The following CXCL13 variants were observed in gnomAD, a reference collection of about 807,000 sequenced individuals.
CXCL13 encodes the protein C-X-C motif chemokine ligand 13, also known as C-X-C motif chemokine 13.
In CXCL13, 7 loss-of-function variants were observed where a neutral mutation model predicts 12.2. The ratio of observed to expected loss-of-function variants is 0.57; its 90% CI spans 0.33 to 1.07. The LOEUF (loss-of-function observed/expected upper bound fraction) is 1.07, where lower values mean the gene tolerates loss of function less well. Ranked by LOEUF, CXCL13 falls within the 50% of genes least tolerant of loss-of-function variation. The pLI, the probability that CXCL13 is intolerant of heterozygous loss-of-function variation, is 0.04. For synonymous variants in CXCL13, 47 were observed against 42.4 expected (o/e 1.11, Z -0.42); for missense variants, 113 against 127.4 (o/e 0.89, Z 0.55).
intron 1 of CXCL13, among the ~76,000 whole-genome samples, chr4:77,539,481 G>A (rs753636120): frequency 6.6e-6 from 1 of 152,146 alleles, no homozygotes; most frequent in Non-Finnish European, 1.5e-5. Flanking sequence ...CCAAGGTCCT[G>A]CATCCCTTCT....
rs141780492 is a variant in CXCL13, at chr4:77,611,591, ACTGT to A, written c.*555_*558del. On this transcript the variant is annotated 3_prime_UTR_variant, in exon 4 of 4. Transcript: ENST00000682537. ...TTTAAAGAATTTCTTTATAAAATTTACTGTCTAAGATTAATAGCATTCGAAGATC... is the reference window on the plus strand; with the variant it reads ...TTTAAAGAATTTCTTTATAAAATTTACTAAGATTAATAGCATTCGAAGATC... 172 of 398,368 alleles carry A rather than the reference ACTGT, an allele frequency of 4.3e-4. No homozygotes were observed. The highest frequency in any genetic ancestry group is 3.2e-3 in the African/African-American group (154 of 48,744). The allele number at this position is 398,368 out of a possible 1,614,324, so 24.7% of individuals were successfully genotyped here.
chr4:77,576,376 G>A (rs978354812), intron 1 of CXCL13, among the ~76,000 whole-genome samples: 1 of 152,128 alleles, frequency 6.6e-6, no homozygotes, highest in Non-Finnish European at 1.5e-5. Context: ...AAAATTTGGG[G>A]CATATTTGTC....
chr4:77,538,423 C>CT (rs80263344), intron 1 of CXCL13, among the ~76,000 whole-genome samples: 2,494 of 124,158 alleles, frequency 0.02, 42 homozygotes, highest in Middle Eastern at 0.045. Context: ...AATGTCTTGT[C>CT]TTTTTTTTTT....
intron 1 of CXCL13, among the ~76,000 whole-genome samples, chr4:77,525,844 C>T (rs1170886600): frequency 6.6e-6 from 1 of 151,582 alleles, no homozygotes. Context: ...TCCATCAATT[C>T]AGCAGATGGG....
At chr4:77,518,243 C>G (rs558603507) in intron 1 of CXCL13, among the ~76,000 whole-genome samples, 2 of 152,152 alleles carry the variant, frequency 1.3e-5, no homozygotes, top group African/African-American at 4.8e-5. Flanking sequence ...TCCTTCATTT[C>G]AACTTTGGTA....
chr4:77,513,207 C>G (rs1260599923), intron 1 of CXCL13, among the ~76,000 whole-genome samples: 4 of 152,010 alleles, frequency 2.6e-5, no homozygotes, highest in Non-Finnish European at 4.4e-5. Context: ...ACATTTGGGT[C>G]GGTTCCAAGT....
At chr4:77,536,967 C>T (rs1725073179) in intron 1 of CXCL13, among the ~76,000 whole-genome samples, 1 of 152,066 alleles carries the variant, frequency 6.6e-6, no homozygotes, top group Non-Finnish European at 1.5e-5. Context: ...TGAAGTAGGT[C>T]TATTACTTTG....
chr4:77,539,934 G>T (rs1725160704), intron 1 of CXCL13, among the ~76,000 whole-genome samples: 1 of 152,112 alleles, frequency 6.6e-6, no homozygotes, highest in South Asian at 2.1e-4. Flanking sequence ...GCATCCAAAA[G>T]TGACTCAAAA....
At chr4:77,512,951 CCA>C (rs746856872) in intron 1 of CXCL13, among the ~76,000 whole-genome samples, 3 of 152,034 alleles carry the variant, frequency 2.0e-5, no homozygotes, top group Admixed American at 6.6e-5. Flanking sequence ...ACGACAGGCC[CCA>C]GTTTGTGATG....
chr4:77,577,208 T>G (rs1726219284), intron 1 of CXCL13, among the ~76,000 whole-genome samples: 2 of 152,158 alleles, frequency 1.3e-5, no homozygotes, highest in African/African-American at 2.4e-5. Flanking sequence ...CCAAGCATCA[T>G]GCACCCAAAT....
intron 1 of CXCL13, among the ~76,000 whole-genome samples, chr4:77,523,830 C>T (rs1448488177): frequency 6.6e-6 from 1 of 152,210 alleles, no homozygotes; most frequent in Non-Finnish European, 1.5e-5. Context: ...GCTCTGGTTT[C>T]TCCCCATCTT....
chr4:77,590,622 G>A (rs960199932), intron 1 of CXCL13, among the ~76,000 whole-genome samples: 11 of 152,078 alleles, frequency 7.2e-5, no homozygotes, highest in Admixed American at 2.0e-4. Flanking sequence ...ATAGAAAACC[G>A]AATAGTCAAC....
chr4:77,541,016 A>AT (rs1391434795), intron 1 of CXCL13, among the ~76,000 whole-genome samples: 1 of 151,548 alleles, frequency 6.6e-6, no homozygotes, highest in Non-Finnish European at 1.5e-5. Context: ...GATGTTGAAC[A>AT]TTTTTTTCAT....
At chr4:77,547,840 C>A (rs931241014) in intron 1 of CXCL13, among the ~76,000 whole-genome samples, 2 of 152,108 alleles carry the variant, frequency 1.3e-5, no homozygotes, top group South Asian at 4.1e-4. Context: ...ATGGTCTTTA[C>A]AATTTGGTAT....
intron 1 of CXCL13, among the ~76,000 whole-genome samples, chr4:77,562,233 A>G (rs1725833060): frequency 1.0e-5 from 1 of 98,672 alleles, no homozygotes; most frequent in South Asian, 3.9e-4. Context: ...CCACCCCACC[A>G]TGGGCTCCTG....
At chr4:77,598,429 G>A (rs908095472) in intron 1 of CXCL13, among the ~76,000 whole-genome samples, 6 of 152,192 alleles carry the variant, frequency 3.9e-5, no homozygotes, top group Admixed American at 6.5e-5. Flanking sequence ...GAAGAGGGAA[G>A]GGGAAGTATA....
At chr4:77,586,368 C>T (rs572257782) in intron 1 of CXCL13, among the ~76,000 whole-genome samples, 4 of 152,018 alleles carry the variant, frequency 2.6e-5, no homozygotes, top group Non-Finnish European at 5.9e-5. Flanking sequence ...TTCTTAAAAT[C>T]GGTATGTTGG....
chr4:77,563,384 A>G (rs1310551888), intron 1 of CXCL13, among the ~76,000 whole-genome samples: 1 of 152,208 alleles, frequency 6.6e-6, no homozygotes, highest in Non-Finnish European at 1.5e-5. Context: ...TCCCTGCGAG[A>G]TTAATGTCCA....
intron 1 of CXCL13, among the ~76,000 whole-genome samples, chr4:77,573,921 T>C (rs1188577052): frequency 1.3e-5 from 2 of 151,986 alleles, no homozygotes; most frequent in Non-Finnish European, 2.9e-5. Context: ...GAAAACCATG[T>C]GCCATCTGTT....
Sources: gnomAD v4.1 joint callset for allele counts (sites outside exome capture counted in the v4.1 genomes callset) on GRCh38, gnomAD v4.1.1 for gene constraint, MANE v1.5 for transcripts, NCBI Gene and HGNC (gene_info 2026-07-23, HGNC 2026-07-21) for gene names.